The following ZNF783 variants were observed in gnomAD, a reference collection of about 807,000 sequenced individuals.
ZNF783 encodes protein ZNF783.
A neutral mutation model predicts 31.3 loss-of-function variants in ZNF783; 25 were observed. That is an observed-to-expected ratio of 0.80 (90% CI 0.58 to 1.11). The LOEUF is 1.11. ZNF783 is among the 50% of genes most tolerant of loss of function. The pLI is 0.00. For synonymous variants in ZNF783, 369 were observed against 319.1 expected (o/e 1.16, Z -1.66); for missense variants, 797 against 760.0 (o/e 1.05, Z -0.57).
chr7:149,278,600 G>C lies in ZNF783; in HGVS notation c.802+73G>C, dbSNP rs1252255671. 1.9e-6 allele frequency: 3 copies of C among 1,584,706 alleles called. No homozygotes were observed. In the Admixed American group the frequency reaches 5.1e-5, roughly 27 times the overall value. ...CACGCGATCACCAAGCGATGGTGCT[G>C]AGGAAAAGCCCTGGAAGCATGGGGC... On this transcript the variant is annotated intron_variant, in intron 5 of 5. Coordinates refer to ENST00000434415, the MANE Select transcript of ZNF783 (RefSeq NM_001195220.2).
intron 5 of ZNF783, 81 bp from the exon 6 acceptor site, chr7:149,281,424 T>C: frequency 7.7e-7 from 1 of 1,297,072 alleles, no homozygotes; most frequent in African/African-American, 1.5e-5. Flanking sequence ...GGGCTGAGGC[T>C]GGAAGCCAGG....
At chr7:149,274,002 T>G (rs775958188) in intron 4 of ZNF783, among the ~76,000 whole-genome samples, 92 of 152,334 alleles carry the variant, frequency 6.0e-4, no homozygotes, top group Non-Finnish European at 1.1e-3. Flanking sequence ...TTTGCAAATA[T>G]TTTTTCCCGT....
In ZNF783 at chr7:149,262,196, G is replaced by A. The variant is rs1181221529; in HGVS notation, c.-138G>A. 4 of 730,010 alleles carry A rather than the reference G, an allele frequency of 5.5e-6. No individual in the cohort carries two copies. The highest frequency in any genetic ancestry group is 7.6e-6 in the Non-Finnish European group (4 of 527,312). The allele number at this position is 730,010 out of a possible 1,614,324, so 45.2% of individuals were successfully genotyped here. The stretch of plus-strand genomic sequence containing the variant: ...AAAGGGCCAGCGGGGCACGTGGCTC[G>A]GGACGCAGTTCGCTGCCGCCCGGCA... On this transcript the variant is annotated 5_prime_UTR_variant, in exon 1 of 6. Coordinates refer to ENST00000434415, the MANE Select transcript of ZNF783 (RefSeq NM_001195220.2).
In ZNF783 at chr7:149,282,001, C is replaced by A; in HGVS notation, c.1299C>A (p.Ser433Arg). The A allele has an allele frequency of 6.3e-7, 1 of 1,581,678 alleles. No homozygotes were observed. Among genetic ancestry groups the A allele is most frequent in the Non-Finnish European group, 8.5e-7 (1 of 1,172,164 alleles). Residue 433 changes from serine (S) to arginine (R), a missense_variant, in exon 6 of 6, where the codon AGC (serine) becomes AGA (arginine). Physicochemically the swap from Ser to Arg is moderately radical, Grantham distance 110. Transcript: ENST00000434415. The stretch of plus-strand genomic sequence containing the variant: ...TGGTGGGGCGGCGGCCTGCAGCCAG[C>A]AAGATGTACCACTGCAGCGAGTGCC... ...RALVGRRPAA[S>R]KMYHCSECLR...
intron 1 of ZNF783, among the ~76,000 whole-genome samples, chr7:149,264,852 G>A (rs1347444906): frequency 2.2e-5 from 3 of 138,560 alleles, no homozygotes; most frequent in African/African-American, 8.3e-5. Flanking sequence ...CAGCCTGGGC[G>A]ACAGAGCAAG....
chr7:149,263,718 T>C (rs80256576), intron 1 of ZNF783, among the ~76,000 whole-genome samples: 1 of 152,168 alleles, frequency 6.6e-6, no homozygotes, highest in South Asian at 2.1e-4. Context: ...TTGGCCATTT[T>C]TGACATACTG....
rs1256677911 is a variant in ZNF783, at chr7:149,284,574, C to T, written c.*2231C>T. The T allele has an allele frequency of 6.6e-6, 1 of 152,284 alleles. No homozygotes were observed. The highest frequency in any genetic ancestry group is 1.5e-5 in the Non-Finnish European group (1 of 68,062). The allele number at this position is 152,284 out of a possible 1,614,324, so 9.4% of individuals were successfully genotyped here. Reference sequence around the variant, plus strand: ...TTAACCCTCAGCTGCAGGAGCTAGTCTCAGGTGTTCTGGGGATGCCTCAGG... The same window carrying T: ...TTAACCCTCAGCTGCAGGAGCTAGTTTCAGGTGTTCTGGGGATGCCTCAGG... On this transcript the variant is annotated 3_prime_UTR_variant, in exon 6 of 6. Coordinates refer to ENST00000434415, the MANE Select transcript of ZNF783 (RefSeq NM_001195220.2).
Position 149,284,127 on chromosome 7 carries a change from C to T in ZNF783, c.*1784C>T, listed in dbSNP as rs1354408368. 1 of 152,240 alleles carries T rather than the reference C, an allele frequency of 6.6e-6. No homozygotes were observed. The highest frequency in any genetic ancestry group is 1.9e-4 in the East Asian group (1 of 5,198). 9.4% of individuals were successfully genotyped at this position (152,240 alleles called of 1,614,324 possible). ...GTCTCTCATCACACCACTGCGGACG[C>T]TGTCTGTAGAGCAGCCTTGGTGTGG... On this transcript the variant is annotated 3_prime_UTR_variant, in exon 6 of 6. Coordinates refer to ENST00000434415, the MANE Select transcript of ZNF783 (RefSeq NM_001195220.2).
rs1306308144 is a variant in ZNF783 at position 149,284,633 on chromosome 7, G to T, written c.*2290G>T. The T allele has an allele frequency of 2.0e-5, 3 of 152,240 alleles. No homozygotes were observed. The highest frequency in any genetic ancestry group is 7.2e-5 in the African/African-American group (3 of 41,452). The allele number at this position is 152,240 out of a possible 1,614,324, so 9.4% of individuals were successfully genotyped here. Reference sequence around the variant, plus strand: ...TTTGCCGACTTTCTGGGCTTGGTTGGCTAATGCCAAATGCCCCTGCTTAAA... The same window carrying T: ...TTTGCCGACTTTCTGGGCTTGGTTGTCTAATGCCAAATGCCCCTGCTTAAA... On this transcript the variant is annotated 3_prime_UTR_variant, in exon 6 of 6. Transcript: ENST00000434415.
In ZNF783 at chr7:149,278,452, G is replaced by T. The variant is rs772352596; in HGVS notation, c.727G>T (p.Glu243Ter). 1.3e-6 allele frequency: 2 copies of T among 1,599,260 alleles called. No homozygotes were observed. Among genetic ancestry groups the T allele is most frequent in the Non-Finnish European group, 1.7e-6 (2 of 1,179,738 alleles). ...CAGCCCACTTAGCCCTGCCCAGGAG[G>T]AGCTGAAAGAAGGGCAGGCCCCCAA... Reference protein sequence around the residue: ...LTSPLSPAQEELKEGQAPKQQ... With the variant: ...LTSPLSPAQE Residue 243 changes from glutamate (E) to a stop codon, truncating the protein, a stop_gained, in exon 5 of 6, where the codon GAG becomes TAG. Coordinates refer to ENST00000434415, the MANE Select transcript of ZNF783 (RefSeq NM_001195220.2). LOFTEE classifies it high-confidence loss of function.
rs374330881 is a variant in ZNF783, at chr7:149,281,923, C to A, written c.1221C>A (p.Arg407=). ...TGGTGGTACCCGGCCCTGTCATCCG[C>A]TGGCTCCCCGAGGAGCCTGAGGGTC... is the stretch of plus-strand genomic sequence containing the variant. The part of the protein sequence containing the change: ...GEVVVPGPVI[R]WLPEEPEGRR... Residue 407 remains arginine, a synonymous_variant, in exon 6 of 6, where the codon CGC becomes CGA. Coordinates refer to ENST00000434415, the MANE Select transcript of ZNF783 (RefSeq NM_001195220.2). 6.3e-4 allele frequency: 973 copies of A among 1,533,442 alleles called. 1 individual carries two copies. Among genetic ancestry groups the A allele is most frequent in the Non-Finnish European group, 7.8e-4 (891 of 1,144,640 alleles). The allele number at this position is 1,533,442 out of a possible 1,614,324, so 95.0% of individuals were successfully genotyped here. A position where few individuals can be genotyped will look rare whatever the true frequency, so the allele number is the denominator to read the frequency against.
At position 149,266,523 on chromosome 7, in the gene ZNF783, G is replaced by A. The variant is rs771226215; in HGVS notation, c.213G>A (p.Thr71=). 5.0e-6 allele frequency: 8 copies of A among 1,614,080 alleles called. No homozygotes were observed. Among genetic ancestry groups the A allele is most frequent in the South Asian group, 2.2e-5 (2 of 91,084 alleles). ...LTRLLTLEGR[T]GTAEKKLADC... is the part of the protein sequence containing the mutation. ...GCTTGCTGACTCTGGAGGGGCGCAC[G>A]GGGACAGCCGAGAAGAAGCTGGCCG... The change falls in exon 2 of 6, where the codon ACG becomes ACA. Residue 71 remains threonine (T), a synonymous_variant. Transcript: ENST00000434415.
intron 1 of ZNF783, among the ~76,000 whole-genome samples, chr7:149,264,416 C>T (rs1196166486): frequency 1.3e-5 from 2 of 152,120 alleles, no homozygotes; most frequent in Non-Finnish European, 2.9e-5. Context: ...TCGGAATCCA[C>T]AGGAGGCTGG....
rs201372254 is a variant in ZNF783, at chr7:149,266,624, A to C, written c.314A>C (p.Glu105Ala). 2.4e-4 allele frequency: 392 copies of C among 1,614,120 alleles called. 1 individual carries two copies. Among genetic ancestry groups the C allele is most frequent in the Middle Eastern group, 1.3e-3 (8 of 6,056 alleles). The change falls in exon 2 of 6, where the codon GAG becomes GCG. Residue 105 changes from glutamate to alanine, a missense_variant. Physicochemically the swap from Glu to Ala is moderately radical, Grantham distance 107. Transcript: ENST00000434415. ...GCCGTGCTGGGGACCTTGCTGCAGG[A>C]GTACGGGCTGCTGCAGAGGCGGCTG... ...KWAVLGTLLQ[E>A]YGLLQRRLEN...
Position 149,263,323 on chromosome 7 carries a change from TA to T in ZNF783, c.24+967del, listed in dbSNP as rs1481812555. On this transcript the variant is annotated intron_variant, in intron 1 of 5. Transcript: ENST00000434415. Reference sequence around the variant, plus strand: ...GTGTGTGTATATATATATATATATATATTTTTTTTTTAGACACAGTCTCACT... The same window carrying T: ...GTGTGTGTATATATATATATATATATTTTTTTTTTTAGACACAGTCTCACT... 4.6e-3 allele frequency among the ~76,000 whole-genome samples: 561 copies of T among 121,180 alleles called. 3 individuals are homozygous for T. Among genetic ancestry groups the T allele is most frequent in the Middle Eastern group, 0.017 (4 of 236 alleles). The allele number at this position is 121,180 out of a possible 152,430, so 79.5% of individuals were successfully genotyped here.
intron 4 of ZNF783, among the ~76,000 whole-genome samples, chr7:149,269,852 G>A (rs1054131458): frequency 7.7e-6 from 1 of 129,264 alleles, no homozygotes; most frequent in Non-Finnish European, 1.5e-5. Context: ...CCTGGTGTGT[G>A]ATGTTTCCCT....
At chr7:149,263,783 G>C (rs1164480131) in intron 1 of ZNF783, among the ~76,000 whole-genome samples, 1 of 152,170 alleles carries the variant, frequency 6.6e-6, no homozygotes, top group African/African-American at 2.4e-5. Context: ...ATACACCTCA[G>C]TGAAGGTTTT....
chr7:149,263,964 G>A (rs1286503088), intron 1 of ZNF783, among the ~76,000 whole-genome samples: 2 of 152,162 alleles, frequency 1.3e-5, no homozygotes, highest in East Asian at 1.9e-4. Context: ...CCTAGAAGGT[G>A]ACATCATCCA....
At position 149,269,977 on chromosome 7, in the gene ZNF783, G is replaced by A. The variant is rs1053197391; in HGVS notation, c.673+2755G>A. Among the ~76,000 whole-genome samples the A allele has an allele frequency of 1.2e-3, 187 of 151,982 alleles. 1 individual carries two copies. Among genetic ancestry groups the A allele is most frequent in the Admixed American group, 3.8e-3 (58 of 15,252 alleles). Reference sequence around the variant, plus strand: ...AGAATGATGGTTTCCAGCTTCATCCGTGTCCCTACAAAGGACATGAACTCA... The same window carrying A: ...AGAATGATGGTTTCCAGCTTCATCCATGTCCCTACAAAGGACATGAACTCA... On this transcript the variant is annotated intron_variant, in intron 4 of 5. Coordinates refer to ENST00000434415, the MANE Select transcript of ZNF783 (RefSeq NM_001195220.2).
Sources: allele counts gnomAD v4.1 joint callset (sites outside exome capture counted in the v4.1 genomes callset), GRCh38; gene constraint gnomAD v4.1.1; transcripts MANE v1.5; gene names NCBI Gene and HGNC (gene_info 2026-07-23, HGNC 2026-07-21).